The following POMK variants were observed in gnomAD, a reference collection of about 807,000 sequenced individuals.
POMK encodes the protein protein O-mannose kinase.
POMK carries 19 observed loss-of-function variants against 23.0 expected under a neutral mutation model. The ratio of observed to expected loss-of-function variants is 0.83; its 90% CI spans 0.58 to 1.21. The LOEUF (loss-of-function observed/expected upper bound fraction) is 1.21. POMK is among the 50% of genes most tolerant of loss of function. The probability of loss-of-function intolerance (pLI) is 0.00; values close to 1 mark genes in which losing one functional copy is unlikely to be tolerated. For missense variants in POMK, 410 were observed against 431.3 expected (o/e 0.95, Z 0.44); for synonymous variants, 173 against 171.6 (o/e 1.01, Z -0.06).
chr8:43,106,064 C>T (rs1413074152), intron 4 of POMK, among the ~76,000 whole-genome samples: 1 of 152,210 alleles, frequency 6.6e-6, no homozygotes, highest in Non-Finnish European at 1.5e-5. Context: ...TCTGCGGAAC[C>T]TCCATACTGT....
chr8:43,102,219 C>T (rs1021781390), intron 2 of POMK, among the ~76,000 whole-genome samples: 2 of 152,206 alleles, frequency 1.3e-5, no homozygotes, highest in African/African-American at 4.8e-5. Context: ...TGAATGTCTC[C>T]AGCACCCACT....
chr8:43,114,897 A>G (rs1299130637), intron 4 of POMK, among the ~76,000 whole-genome samples: 5 of 152,234 alleles, frequency 3.3e-5, no homozygotes, highest in Admixed American at 6.5e-5. Flanking sequence ...CAACAGGTAT[A>G]TTAAGAAGAA....
At chr8:43,110,333 G>C (rs533516432) in intron 4 of POMK, among the ~76,000 whole-genome samples, 1 of 152,230 alleles carries the variant, frequency 6.6e-6, no homozygotes, top group Non-Finnish European at 1.5e-5. Context: ...ACTGTTTCCA[G>C]TGTAGCTAGG....
At position 43,122,443 on chromosome 8, in the gene POMK, G is replaced by A. The variant is rs748538450; in HGVS notation, c.619G>A (p.Asp207Asn). 1.1e-5 allele frequency: 18 copies of A among 1,614,092 alleles called. No individual in the cohort carries two copies. Among genetic ancestry groups the A allele is most frequent in the Non-Finnish European group, 1.3e-5 (15 of 1,180,012 alleles). Residue 207 changes from aspartate (D) to asparagine (N), a missense_variant, in exon 5 of 5, where the codon GAC (aspartate) becomes AAC (asparagine). Physicochemically the swap from Asp to Asn is conservative, Grantham distance 23. Coordinates refer to ENST00000331373, the MANE Select transcript of POMK (RefSeq NM_032237.5). Reference protein sequence around the residue: ...VGTRVMCDSNDLPKTLSQYLL... With the variant: ...VGTRVMCDSNNLPKTLSQYLL... The stretch of plus-strand genomic sequence containing the variant: ...CACACGGGTCATGTGCGACTCCAAC[G>A]ACCTGCCGAAGACACTGTCCCAGTA...
At chr8:43,110,709 G>T (rs760810341) in intron 4 of POMK, among the ~76,000 whole-genome samples, 3 of 152,180 alleles carry the variant, frequency 2.0e-5, no homozygotes, top group Admixed American at 2.0e-4. Flanking sequence ...CCTGAGGTCA[G>T]GAGTTAAGAG....
At chr8:43,098,035 G>C (rs965745427) in intron 2 of POMK, among the ~76,000 whole-genome samples, 9 of 152,134 alleles carry the variant, frequency 5.9e-5, no homozygotes, top group African/African-American at 2.2e-4. Context: ...CTAAGGCAGG[G>C]CTTGGCCAAC....
intron 4 of POMK, among the ~76,000 whole-genome samples, chr8:43,111,685 T>A (rs989607255): frequency 6.6e-6 from 1 of 152,202 alleles, no homozygotes; most frequent in African/African-American, 2.4e-5. Context: ...AGGGGCAGAC[T>A]GACACCTCAC....
intron 1 of POMK, among the ~76,000 whole-genome samples, chr8:43,095,557 G>A (rs1461983709): frequency 6.6e-6 from 1 of 152,154 alleles, no homozygotes; most frequent in Non-Finnish European, 1.5e-5. Context: ...ACAGAGTTTT[G>A]TAGCTGATGT....
chr8:43,111,767 A>G (rs1261233557), intron 4 of POMK, among the ~76,000 whole-genome samples: 1 of 152,206 alleles, frequency 6.6e-6, no homozygotes, highest in Non-Finnish European at 1.5e-5. Flanking sequence ...GTTCACCAAT[A>G]TCTGCTGTTC....
In POMK at chr8:43,103,660, C is replaced by G. The variant is rs1292587686; in HGVS notation, c.112C>G (p.Leu38Val). 1.2e-6 allele frequency: 2 copies of G among 1,614,082 alleles called. No individual in the cohort carries two copies. The highest frequency in any genetic ancestry group is 1.7e-6 in the Non-Finnish European group (2 of 1,180,012). The part of the protein sequence containing the change: ...ALMNTLLYLC[L>V]DHFFIAPRQS... ...GATGAATACTCTGCTCTACCTCTGC[C>G]TCGACCACTTCTTCATCGCTCCTCG... The change falls in exon 4 of 5, where the codon CTC becomes GTC. Residue 38 changes from leucine (L) to valine (V), a missense_variant. Leu to Val is a conservative substitution (Grantham distance 32). Transcript: ENST00000331373.
chr8:43,114,010 G>T (rs1216013888), intron 4 of POMK, among the ~76,000 whole-genome samples: 4 of 152,240 alleles, frequency 2.6e-5, no homozygotes, highest in Non-Finnish European at 5.9e-5. Context: ...TGAGGTGTCA[G>T]TCTGCCCCTA....
intron 4 of POMK, among the ~76,000 whole-genome samples, chr8:43,115,744 G>A (rs1811785263): frequency 6.6e-6 from 1 of 152,216 alleles, no homozygotes; most frequent in Non-Finnish European, 1.5e-5. Flanking sequence ...GTCAAATAGT[G>A]TCATTCCTCT....
At chr8:43,109,086 T>C (rs1468195824) in intron 4 of POMK, among the ~76,000 whole-genome samples, 1 of 152,376 alleles carries the variant, frequency 6.6e-6, no homozygotes, top group East Asian at 1.9e-4. Flanking sequence ...ATGTCTTTTG[T>C]ACTTTAGGGG....
At position 43,103,702 on chromosome 8, in the gene POMK, C is replaced by T. The variant is rs1811491419; in HGVS notation, c.154C>T (p.Pro52Ser). The T allele has an allele frequency of 6.2e-7, 1 of 1,614,144 alleles. No individual in the cohort carries two copies. Among genetic ancestry groups the T allele is most frequent in the Non-Finnish European group, 8.5e-7 (1 of 1,180,038 alleles). Residue 52 changes from proline to serine, a missense_variant, in exon 4 of 5, where the codon CCC (proline) becomes TCC (serine). Physicochemically the swap from Pro to Ser is moderately conservative, Grantham distance 74 (BLOSUM62 -1). Transcript: ENST00000331373. ...CGCTCCTCGACAATCCACTGTGGAC[C>T]CCACACACTGTCCCTATGGTCACTT... ...FIAPRQSTVD[P>S]THCPYGHFRI...
intron 4 of POMK, among the ~76,000 whole-genome samples, chr8:43,112,710 G>A (rs1040064092): frequency 6.6e-6 from 1 of 152,218 alleles, no homozygotes; most frequent in African/African-American, 2.4e-5. Flanking sequence ...ACTAATAGCG[G>A]ATCTCTCAGC....
At chr8:43,101,640 G>A (rs962530917) in intron 2 of POMK, among the ~76,000 whole-genome samples, 1 of 152,138 alleles carries the variant, frequency 6.6e-6, no homozygotes, top group Non-Finnish European at 1.5e-5. Context: ...TTATCTGAAG[G>A]TCTGCCCTGT....
intron 4 of POMK, among the ~76,000 whole-genome samples, chr8:43,120,924 G>A (rs1260566648): frequency 3.9e-5 from 6 of 152,200 alleles, no homozygotes; most frequent in Middle Eastern, 3.4e-3. Flanking sequence ...TGATCCACCC[G>A]CCTTGGCCTC....
chr8:43,122,930 C>T lies in POMK; in HGVS notation c.*53C>T. 6.8e-7 allele frequency: 1 copy of T among 1,469,200 alleles called. No homozygotes were observed. The allele number at this position is 1,469,200 out of a possible 1,614,324, so 91.0% of individuals were successfully genotyped here. On this transcript the variant is annotated 3_prime_UTR_variant, in exon 5 of 5. Transcript: ENST00000331373. ...TTGAAGGGCTGAATGGAAGTTACAG[C>T]ATTCTACTCTGATGGTGGAGTTTTT...
Position 43,121,374 on chromosome 8 carries a change from A to C in POMK, c.283-733A>C, listed in dbSNP as rs181546866. Among the ~76,000 whole-genome samples, 3 of 152,344 alleles carry C rather than the reference A, an allele frequency of 2.0e-5. No individual in the cohort carries two copies. The East Asian group carries it at 5.8e-4, about 29-fold the overall frequency. ...CAAGCAAATGAAAGGTGAAAATCCA[A>C]GGCAGAAATGTGAACTTGCTCTTCT... On this transcript the variant is annotated intron_variant, in intron 4 of 4. Transcript: ENST00000331373.
Sources: allele counts gnomAD v4.1 joint callset (sites outside exome capture counted in the v4.1 genomes callset), GRCh38; gene constraint gnomAD v4.1.1; transcripts MANE v1.5; gene names NCBI Gene and HGNC (gene_info 2026-07-23, HGNC 2026-07-21).